The following RALYL variants were observed in gnomAD, a reference collection of about 807,000 sequenced individuals.
The protein encoded by RALYL is RNA-binding Raly-like protein.
A neutral mutation model predicts 35.1 loss-of-function variants in RALYL; 29 were observed. The ratio of observed to expected loss-of-function variants is 0.83; its 90% CI spans 0.61 to 1.13. The LOEUF is 1.13. RALYL is among the 50% of genes most tolerant of loss of function. The pLI, the probability that RALYL is intolerant of heterozygous loss-of-function variation, is 0.00. For missense variants in RALYL, 359 were observed against 360.4 expected, an observed-to-expected ratio of 1.00 and a Z score of 0.03; for synonymous variants, 120 against 127.6, an observed-to-expected ratio of 0.94 and a Z score of 0.40.
chr8:84,621,328 C>T (rs1236916779), intron 2 of RALYL, among the ~76,000 whole-genome samples: 2 of 152,184 alleles, frequency 1.3e-5, no homozygotes, highest in Non-Finnish European at 2.9e-5. Context: ...GTCGGAAAAG[C>T]GCAGTATTCG....
chr8:84,545,721 A>C (rs991971500), intron 2 of RALYL, among the ~76,000 whole-genome samples: 2 of 151,892 alleles, frequency 1.3e-5, no homozygotes, highest in Non-Finnish European at 2.9e-5. Context: ...TTTTCTTTAT[A>C]TCTTACAACT....
chr8:84,291,141 G>C (rs1351328049), intron 1 of RALYL, among the ~76,000 whole-genome samples: 1 of 152,148 alleles, frequency 6.6e-6, no homozygotes, highest in African/African-American at 2.4e-5. Flanking sequence ...TGGAACATAG[G>C]CTTCATAAAA....
At chr8:84,365,914 A>G (rs1854158255) in intron 1 of RALYL, among the ~76,000 whole-genome samples, 1 of 152,322 alleles carries the variant, frequency 6.6e-6, no homozygotes, top group Non-Finnish European at 1.5e-5. Context: ...TGCTGCTGGT[A>G]CTAGACCACA....
intron 1 of RALYL, among the ~76,000 whole-genome samples, chr8:84,459,077 TCAAA>T (rs2050456681): frequency 6.6e-6 from 1 of 151,748 alleles, no homozygotes; most frequent in African/African-American, 2.4e-5. Context: ...AATAATTAAG[TCAAA>T]CAAATGCAAG....
intron 6 of RALYL, among the ~76,000 whole-genome samples, chr8:84,871,938 G>A: frequency 7.8e-6 from 1 of 127,430 alleles, no homozygotes; most frequent in East Asian, 1.9e-4. Flanking sequence ...TTTTGTTTTT[G>A]TTTTTTTATT....
intron 1 of RALYL, among the ~76,000 whole-genome samples, chr8:84,424,522 G>C (rs1454913349): frequency 6.7e-6 from 1 of 150,086 alleles, no homozygotes; most frequent in Non-Finnish European, 1.5e-5. Flanking sequence ...AGAGTAATTC[G>C]ATCGTCTGAA....
intron 2 of RALYL, among the ~76,000 whole-genome samples, chr8:84,691,771 A>C (rs1286705185): frequency 6.6e-6 from 1 of 152,008 alleles, no homozygotes; most frequent in African/African-American, 2.4e-5. Context: ...CATGCAAAAG[A>C]AGTGATACTA....
chr8:84,785,976 C>T (rs369763067), intron 3 of RALYL, among the ~76,000 whole-genome samples: 161 of 152,270 alleles, frequency 1.1e-3, no homozygotes, highest in Non-Finnish European at 1.1e-3. Context: ...TGATGCTCTC[C>T]CTCTCCCCAC....
At chr8:84,483,770 A>G (rs1006274194) in intron 1 of RALYL, among the ~76,000 whole-genome samples, 6 of 152,162 alleles carry the variant, frequency 3.9e-5, no homozygotes, top group East Asian at 3.9e-4. Flanking sequence ...TGCAATTGAA[A>G]GCCATCTCTG....
At chr8:84,881,734 T>C (rs530252933) in intron 7 of RALYL, among the ~76,000 whole-genome samples, 33 of 152,128 alleles carry the variant, frequency 2.2e-4, no homozygotes, top group African/African-American at 7.5e-4. Context: ...TACCTGTAAT[T>C]TGTACTTCTT....
At chr8:84,525,273 A>G (rs1417452292) in intron 1 of RALYL, among the ~76,000 whole-genome samples, 1 of 152,086 alleles carries the variant, frequency 6.6e-6, no homozygotes, top group Non-Finnish European at 1.5e-5. Flanking sequence ...TTCTAAATTA[A>G]AAACAGACAG....
At chr8:84,339,645 C>T (rs549503962) in intron 1 of RALYL, among the ~76,000 whole-genome samples, 2 of 151,720 alleles carry the variant, frequency 1.3e-5, no homozygotes, top group African/African-American at 4.8e-5. Flanking sequence ...ACCCCACCCC[C>T]CAGTTTGTGG....
intron 4 of RALYL, among the ~76,000 whole-genome samples, chr8:84,822,188 G>C (rs111449093): frequency 0.01 from 1,557 of 152,252 alleles, 23 homozygotes; most frequent in African/African-American, 0.036. Context: ...GATACTAAAA[G>C]TCTTGAAAGC....
At chr8:84,443,247 G>T (rs2048518059) in intron 1 of RALYL, among the ~76,000 whole-genome samples, 1 of 152,146 alleles carries the variant, frequency 6.6e-6, no homozygotes, top group Non-Finnish European at 1.5e-5. Context: ...AGAGCTAGTA[G>T]AGACTGTCTT....
chr8:84,319,533 G>C (rs939934806), intron 1 of RALYL, among the ~76,000 whole-genome samples: 2 of 152,040 alleles, frequency 1.3e-5, no homozygotes, highest in African/African-American at 2.4e-5. Flanking sequence ...ACAGAGGAAG[G>C]CTTCTTTAAG....
intron 1 of RALYL, among the ~76,000 whole-genome samples, chr8:84,443,642 G>A (rs919364455): frequency 6.6e-6 from 1 of 152,130 alleles, no homozygotes; most frequent in Non-Finnish European, 1.5e-5. Flanking sequence ...CTCGATGCCT[G>A]TAGGAGCCAG....
chr8:84,327,627 C>T (rs779728678), intron 1 of RALYL, among the ~76,000 whole-genome samples: 5 of 151,622 alleles, frequency 3.3e-5, no homozygotes, highest in African/African-American at 4.8e-5. Flanking sequence ...GTGGTTGTGA[C>T]GGAGGTGGTA....
chr8:84,403,524 GTTTTTTTTT>G (rs769845435), intron 1 of RALYL, among the ~76,000 whole-genome samples: 8 of 39,424 alleles, frequency 2.0e-4, no homozygotes, highest in East Asian at 1.1e-3. Flanking sequence ...CTATATCTCT[GTTTTTTTTT>G]TTTTTTTTTT....
At chr8:84,755,654 A>G (rs78110562) in intron 2 of RALYL, among the ~76,000 whole-genome samples, 1,949 of 152,200 alleles carry the variant, frequency 0.013, 45 homozygotes, top group African/African-American at 0.044. Flanking sequence ...GTTAAGTGAT[A>G]AGAAATCATC....
Sources: allele counts gnomAD v4.1 joint callset (sites outside exome capture counted in the v4.1 genomes callset), GRCh38; gene constraint gnomAD v4.1.1; transcripts MANE v1.5; gene names NCBI Gene and HGNC (gene_info 2026-07-23, HGNC 2026-07-21).